Variants in ABCB4 observed in about 807,000 individuals in gnomAD.
ABCB4 encodes ATP binding cassette subfamily B member 4.
Under a neutral mutation model 145.7 loss-of-function variants are expected in ABCB4, and 76 were observed. That is an observed-to-expected ratio of 0.52 (90% CI 0.43 to 0.63). The LOEUF (loss-of-function observed/expected upper bound fraction) is 0.63, where lower values mean the gene tolerates loss of function less well. ABCB4 is among the 30% of genes least tolerant of loss of function. The pLI is 0.00. For synonymous variants in ABCB4, 517 were observed against 566.8 expected, an observed-to-expected ratio of 0.91 and a Z score of 1.25; for missense variants, 1,234 against 1,553.1, an observed-to-expected ratio of 0.79 and a Z score of 3.45.
At chr7:87,469,897 G>A (rs1290516290) in intron 3 of ABCB4, among the ~76,000 whole-genome samples, 2 of 152,132 alleles carry the variant, frequency 1.3e-5, no homozygotes, top group Non-Finnish European at 2.9e-5. Context: ...CCAAAAAAGA[G>A]CCTGCATTGG....
intron 10 of ABCB4, among the ~76,000 whole-genome samples, chr7:87,444,078 T>C (rs1811179278): frequency 6.6e-6 from 1 of 152,194 alleles, no homozygotes; most frequent in Admixed American, 6.5e-5. Flanking sequence ...TGCATATTTA[T>C]ACAAGTGCAA....
chr7:87,462,697 C>A, intron 4 of ABCB4, 61 bp downstream of exon 4: 2 of 1,554,106 alleles, frequency 1.3e-6, no homozygotes, highest in Non-Finnish European at 1.8e-6. Flanking sequence ...AATCAACTCC[C>A]AAATTTTTAC....
intron 8 of ABCB4, among the ~76,000 whole-genome samples, chr7:87,448,039 A>G (rs1351098836): frequency 1.3e-5 from 2 of 152,220 alleles, no homozygotes; most frequent in African/African-American, 4.8e-5. Context: ...TCTTTGAATC[A>G]TAATTCAAAT....
the ABCB4 span, among the ~76,000 whole-genome samples, chr7:87,371,361 C>A: frequency 4.6e-5 from 7 of 152,170 alleles, no homozygotes; most frequent in African/African-American, 1.4e-4. Flanking sequence ...GGTACAAATA[C>A]ATCTACCTTA....
chr7:87,423,113 T>A (rs570794683), intron 17 of ABCB4, among the ~76,000 whole-genome samples: 10 of 152,192 alleles, frequency 6.6e-5, no homozygotes, highest in Non-Finnish European at 1.3e-4. Flanking sequence ...ATCACAAAAA[T>A]AATAAACTCG....
chr7:87,388,114 G>A, the ABCB4 span, among the ~76,000 whole-genome samples: 2 of 152,126 alleles, frequency 1.3e-5, no homozygotes, highest in African/African-American at 4.8e-5. Context: ...CAGGCCTGGA[G>A]CCAAGACTCC....
At chr7:87,466,213 T>C (rs2116927706) in intron 3 of ABCB4, among the ~76,000 whole-genome samples, 1 of 152,266 alleles carries the variant, frequency 6.6e-6, no homozygotes, top group African/African-American at 2.4e-5. Flanking sequence ...AAGGACCTGA[T>C]GGAGCTGAAA....
rs1400603574 is a variant in ABCB4, at chr7:87,426,884, G to T, written c.1930C>A (p.Leu644Ile). The change falls in exon 16 of 28, where the codon CTA becomes ATA. Residue 644 changes from leucine (L) to isoleucine (I), a missense_variant. By Grantham distance (5) the Leu-to-Ile change is conservative (BLOSUM62 2). This residue lies in a region of ABCB4 where 321 missense variants were observed against 332.6 expected (regional missense o/e 0.97). Coordinates refer to ENST00000649586, the MANE Select transcript of ABCB4 (RefSeq NM_000443.4). ...CTAGTGGCAGCCTTTTCATCATTTA[G>T]TTCAAATTCTTCTGACTGGATCTGG... is the stretch of plus-strand genomic sequence containing the variant. ...GSQIQSEEFE[L>I]NDEKAATRMA... is the part of the protein sequence containing the mutation. 6.2e-7 allele frequency: 1 copy of T among 1,612,854 alleles called. No homozygotes were observed. The highest frequency in any genetic ancestry group is 1.7e-5 in the Admixed American group (1 of 59,884).
At chr7:87,372,088 A>G in the ABCB4 span, among the ~76,000 whole-genome samples, 1 of 151,684 alleles carries the variant, frequency 6.6e-6, no homozygotes, top group Non-Finnish European at 1.5e-5. Flanking sequence ...GAATTGGCAT[A>G]TCCCTCATTA....
At chr7:87,374,562 C>G in the ABCB4 span, among the ~76,000 whole-genome samples, 4 of 151,910 alleles carry the variant, frequency 2.6e-5, no homozygotes, top group African/African-American at 9.7e-5. Context: ...ATAATTGGAG[C>G]AAAATCAGTA....
chr7:87,459,540 A>T (rs1812314707), intron 4 of ABCB4, among the ~76,000 whole-genome samples: 1 of 151,992 alleles, frequency 6.6e-6, no homozygotes, highest in African/African-American at 2.4e-5. Flanking sequence ...TTTTCCATTC[A>T]TCTGTTAATC....
the ABCB4 span, chr7:87,369,632 T>C: frequency 5.6e-6 from 2 of 355,254 alleles, no homozygotes; most frequent in Non-Finnish European, 1.0e-5. Context: ...CTATTTGTAT[T>C]TTTTATTTAA....
chr7:87,407,955 G>T (rs749479443), intron 25 of ABCB4, 82 bp downstream of exon 25: 43 of 1,557,066 alleles, frequency 2.8e-5, no homozygotes, highest in Non-Finnish European at 3.1e-5. Context: ...GTCTACATTT[G>T]TCCAATATTT....
Position 87,426,405 on chromosome 7 carries a change from T to G in ABCB4, c.2064+345A>C, listed in dbSNP as rs45461491. On this transcript the variant is annotated intron_variant, in intron 16 of 27. Coordinates refer to ENST00000649586, the MANE Select transcript of ABCB4 (RefSeq NM_000443.4). ...GTTTCCTAATATAGATAATCAAATGTAATCCTACCCAATAGAGTATGCAAA... is the reference window on the plus strand; with the variant it reads ...GTTTCCTAATATAGATAATCAAATGGAATCCTACCCAATAGAGTATGCAAA... Among the ~76,000 whole-genome samples the G allele has an allele frequency of 0.012, 1,787 of 152,310 alleles. 97 individuals carry two copies. The East Asian group carries it at 0.14, about 12-fold the overall frequency.
chr7:87,396,367 G>C, the ABCB4 span, among the ~76,000 whole-genome samples: 3 of 152,282 alleles, frequency 2.0e-5, no homozygotes, highest in Admixed American at 6.5e-5. Context: ...GCCAAATGAC[G>C]AGGAGGAAGA....
intron 21 of ABCB4, among the ~76,000 whole-genome samples, chr7:87,414,369 T>C (rs1371610710): frequency 6.6e-6 from 1 of 152,324 alleles, no homozygotes. Context: ...CTGGTCTGAA[T>C]ATACAGCATC....
rs147821186 is a variant in ABCB4 at position 87,445,091 on chromosome 7, CT to C, written c.1006-117del. On this transcript the variant is annotated intron_variant, in intron 9 of 27. Transcript: ENST00000649586. The stretch of plus-strand genomic sequence containing the variant: ...GGATTAAGTTTAGGTTTATCCTTTC[CT>C]TTTTTTTTTGTGGAAGAGCAACATT... 0.01 allele frequency: 5,797 copies of C among 575,186 alleles called. 11 individuals carry two copies. Among genetic ancestry groups the C allele is most frequent in the African/African-American group, 0.022 (1,121 of 50,672 alleles). The allele number at this position is 575,186 out of a possible 1,614,324, so 35.6% of individuals were successfully genotyped here. A position where few individuals can be genotyped will look rare whatever the true frequency, so the allele number is the denominator to read the frequency against.
chr7:87,447,810 T>G, intron 8 of ABCB4, among the ~76,000 whole-genome samples: 1 of 152,230 alleles, frequency 6.6e-6, no homozygotes, highest in East Asian at 1.9e-4. Context: ...GAATATGAGT[T>G]CTTATTCAAT....
intron 4 of ABCB4, among the ~76,000 whole-genome samples, chr7:87,460,186 T>C (rs1031756844): frequency 6.6e-5 from 10 of 152,216 alleles, no homozygotes; most frequent in African/African-American, 2.4e-4. Flanking sequence ...CATCTCTGAT[T>C]CACTGTGGGG....
Sources: gnomAD v4.1 joint callset for allele counts (sites outside exome capture counted in the v4.1 genomes callset) on GRCh38, gnomAD v4.1.1 for gene constraint, gnomAD v4.1.1 regional missense constraint, MANE v1.5 for transcripts, NCBI Gene and HGNC (gene_info 2026-07-23, HGNC 2026-07-21) for gene names.